CR1: variants seen among roughly 807,000 people sequenced by gnomAD.
CR1 encodes the protein complement receptor type 1.
CR1 carries 116 observed loss-of-function variants against 187.3 expected under a neutral mutation model. The ratio of observed to expected loss-of-function variants is 0.62; its 90% CI spans 0.53 to 0.72. The LOEUF is 0.72. Ranked by LOEUF, CR1 falls within the 30% of genes least tolerant of loss-of-function variation. CR1 has a pLI of 0.00. For missense variants in CR1, 1,731 were observed against 2,110.7 expected, an observed-to-expected ratio of 0.82 and a Z score of 3.52; for synonymous variants, 576 against 747.1, an observed-to-expected ratio of 0.77 and a Z score of 3.73.
chr1:207,580,890 A>G (rs776853099), intron 31 of CR1, among the ~76,000 whole-genome samples: 11 of 152,210 alleles, frequency 7.2e-5, no homozygotes, highest in Non-Finnish European at 1.3e-4. Context: ...GAAAAGAAGT[A>G]CTAGAGGAGA....
intron 35 of CR1, among the ~76,000 whole-genome samples, chr1:207,591,061 A>C (rs765690028): frequency 6.7e-4 from 102 of 152,150 alleles, no homozygotes; most frequent in Non-Finnish European, 9.6e-4. Flanking sequence ...GAAAATTAAC[A>C]AGGATATTCA....
intron 5 of CR1, among the ~76,000 whole-genome samples, chr1:207,524,643 C>A (rs1168717071): frequency 6.6e-6 from 1 of 152,022 alleles, no homozygotes; most frequent in Non-Finnish European, 1.5e-5. Flanking sequence ...CCACCTTGGC[C>A]TCCCAAAGTG....
chr1:207,602,169 C>T (rs907716220), intron 35 of CR1, among the ~76,000 whole-genome samples: 21 of 151,936 alleles, frequency 1.4e-4, no homozygotes, highest in African/African-American at 5.1e-4. Flanking sequence ...TTTAAAACCA[C>T]CACAAAGAAG....
At chr1:207,622,058 T>C in intron 44 of CR1, 62 bp downstream of exon 44, 10 of 1,317,896 alleles carry the variant, frequency 7.6e-6, no homozygotes, top group Non-Finnish European at 1.1e-5. Flanking sequence ...TACCTACCTA[T>C]AATGAATGAA....
At chr1:207,498,897 ACAAAC>A (rs1659180309) in intron 1 of CR1, among the ~76,000 whole-genome samples, 1 of 149,528 alleles carries the variant, frequency 6.7e-6, no homozygotes, top group Non-Finnish European at 1.5e-5. Flanking sequence ...AAAAAAAGAA[ACAAAC>A]AAACAAAACA....
chr1:207,634,941 G>A (rs12033963), intron 46 of CR1, among the ~76,000 whole-genome samples: 20,979 of 152,200 alleles, frequency 0.14, 1,830 homozygotes, highest in South Asian at 0.34. Context: ...GCTCAACTCT[G>A]AGAACACTTT....
chr1:207,593,691 A>G (rs915752359), intron 35 of CR1, among the ~76,000 whole-genome samples: 1 of 152,224 alleles, frequency 6.6e-6, no homozygotes, highest in Non-Finnish European at 1.5e-5. Context: ...AATGGGAGAA[A>G]ATTTTTGCAA....
At chr1:207,638,259 G>C (rs11118220) in intron 46 of CR1, among the ~76,000 whole-genome samples, 36,173 of 152,098 alleles carry the variant, frequency 0.24, 6,619 homozygotes, top group African/African-American at 0.5. Context: ...ACAGTATCCT[G>C]GTCCATTGTC....
chr1:207,579,098 T>C (rs909234645), intron 29 of CR1, among the ~76,000 whole-genome samples: 1 of 152,212 alleles, frequency 6.6e-6, no homozygotes, highest in Non-Finnish European at 1.5e-5. Flanking sequence ...TAAAATGGGT[T>C]CTGATGCCCT....
At chr1:207,517,669 A>G (rs192979655) in intron 4 of CR1, among the ~76,000 whole-genome samples, 90 of 152,246 alleles carry the variant, frequency 5.9e-4, no homozygotes, top group Middle Eastern at 6.8e-3. Context: ...AGGATTTAAT[A>G]TCTTTAATAG....
intron 4 of CR1, among the ~76,000 whole-genome samples, chr1:207,515,342 C>T (rs559451041): frequency 3.3e-5 from 5 of 150,038 alleles, no homozygotes; most frequent in Admixed American, 6.7e-5. Context: ...TGTATATATG[C>T]ACACATCTTA....
At chr1:207,564,332 A>G in intron 23 of CR1, 98 bp downstream of exon 23, 1 of 1,589,688 alleles carries the variant, frequency 6.3e-7, no homozygotes, top group Admixed American at 1.7e-5. Flanking sequence ...AAAGACACAC[A>G]CACACACACA....
At chr1:207,589,115 A>T (rs1364217298) in intron 35 of CR1, among the ~76,000 whole-genome samples, 1 of 152,218 alleles carries the variant, frequency 6.6e-6, no homozygotes, top group Admixed American at 6.5e-5. Flanking sequence ...TCCTTAACTG[A>T]GATCAGTAGG....
rs142980032 is a variant in CR1, at chr1:207,566,164, G to A, written c.3952+241G>A. On this transcript the variant is annotated intron_variant, in intron 24 of 46. Transcript: ENST00000367049. ...AGTGCGATAAATCCTTTGGTCTTGTGCTCCTAGGTCAGGAGAGATTAGATA... is the reference window on the plus strand; with the variant it reads ...AGTGCGATAAATCCTTTGGTCTTGTACTCCTAGGTCAGGAGAGATTAGATA... Among the ~76,000 whole-genome samples the A allele has an allele frequency of 3.7e-4, 56 of 150,414 alleles. No individual in the cohort carries two copies. In the East Asian group the frequency reaches 6.0e-3, roughly 16 times the overall value.
rs200347439 is a variant in CR1 at position 207,578,099 on chromosome 1, T to G, written c.4832T>G (p.Val1611Gly). Residue 1611 changes from valine (V) to glycine (G), a missense_variant, in exon 29 of 47, where the codon GTT (valine) becomes GGT (glycine). Around this residue, in one of 5 missense-constraint regions of CR1, gnomAD observed 1,312 missense variants for 1,379.6 expected, o/e 0.95. Transcript: ENST00000367049. ...DNRSLFSLNE[V>G]VEFRCQPGFV... The stretch of plus-strand genomic sequence containing the variant: ...AGAAGCTTATTTTCCTTAAATGAAG[T>G]TGTGGAGTTTAGGTGTCAGCCTGGC... 6.8e-6 allele frequency: 11 copies of G among 1,611,656 alleles called. No homozygotes were observed. In the African/African-American group the frequency reaches 1.5e-4, roughly 22 times the overall value.
At chr1:207,497,298 A>G (rs1388182755) in intron 1 of CR1, among the ~76,000 whole-genome samples, 1 of 152,178 alleles carries the variant, frequency 6.6e-6, no homozygotes, top group Non-Finnish European at 1.5e-5. Flanking sequence ...CTTAACTTCA[A>G]ATAGGTAAAC....
In CR1 at chr1:207,578,118, G is replaced by C; in HGVS notation, c.4851G>C (p.Gln1617His). 3.7e-6 allele frequency: 6 copies of C among 1,611,836 alleles called. No individual in the cohort carries two copies. Among genetic ancestry groups the C allele is most frequent in the Non-Finnish European group, 5.1e-6 (6 of 1,179,714 alleles). The change falls in exon 29 of 47, where the codon CAG becomes CAC. Residue 1617 changes from glutamine to histidine, a missense_variant. Transcript: ENST00000367049. Reference protein sequence around the residue: ...SLNEVVEFRCQPGFVMKGPRR... With the variant: ...SLNEVVEFRCHPGFVMKGPRR... ...ATGAAGTTGTGGAGTTTAGGTGTCA[G>C]CCTGGCTTTGTCATGAAAGGACCCC...
At chr1:207,594,495 C>T (rs943594568) in intron 35 of CR1, among the ~76,000 whole-genome samples, 4 of 151,944 alleles carry the variant, frequency 2.6e-5, no homozygotes, top group African/African-American at 9.7e-5. Flanking sequence ...GGAGAAATAG[C>T]CAATGTAGAT....
intron 35 of CR1, among the ~76,000 whole-genome samples, chr1:207,602,563 A>C (rs2102374593): frequency 6.6e-6 from 1 of 152,230 alleles, no homozygotes; most frequent in East Asian, 1.9e-4. Flanking sequence ...AATGGTTAAA[A>C]TCTAAAAGCA....
Sources: allele counts gnomAD v4.1 joint callset (sites outside exome capture counted in the v4.1 genomes callset), GRCh38; gene constraint gnomAD v4.1.1; regional missense constraint gnomAD v4.1.1; transcripts MANE v1.5; gene names NCBI Gene and HGNC (gene_info 2026-07-23, HGNC 2026-07-21).